The following PRKAR1B variants were observed in gnomAD, a reference collection of about 807,000 sequenced individuals.
The protein encoded by PRKAR1B is protein kinase cAMP-dependent type I regulatory subunit beta.
A neutral mutation model predicts 46.5 loss-of-function variants in PRKAR1B; 22 were observed. The observed-to-expected ratio is 0.47, with a 90% CI of 0.34 to 0.68. PRKAR1B has a LOEUF of 0.68. Among genes scored for constraint, PRKAR1B ranks in the 30% least tolerant of loss-of-function variants. The pLI is 0.01. For synonymous variants in PRKAR1B, 259 were observed against 217.7 expected (o/e 1.19, Z -1.67); for missense variants, 445 against 535.6 (o/e 0.83, Z 1.67).
chr7:651,410 G>A (rs73254251), intron 4 of PRKAR1B, among the ~76,000 whole-genome samples: 1,976 of 152,324 alleles, frequency 0.013, 54 homozygotes, highest in African/African-American at 0.045. Context: ...GCTCTTCCAC[G>A]AGGCTTTAGC....
chr7:635,295 A>G (rs924624057), intron 4 of PRKAR1B, among the ~76,000 whole-genome samples: 2 of 152,206 alleles, frequency 1.3e-5, no homozygotes, highest in Non-Finnish European at 2.9e-5. Flanking sequence ...CAGCTTCCAC[A>G]TCTCAGGACC....
intron 7 of PRKAR1B, among the ~76,000 whole-genome samples, chr7:595,769 TG>T (rs1172931313): frequency 6.6e-6 from 1 of 152,184 alleles, no homozygotes; most frequent in Non-Finnish European, 1.5e-5. Flanking sequence ...AGGAAGCCCG[TG>T]GGTGAGCAGC....
At chr7:576,941 G>A (rs559230254) in intron 9 of PRKAR1B, among the ~76,000 whole-genome samples, 23 of 151,532 alleles carry the variant, frequency 1.5e-4, no homozygotes, top group Non-Finnish European at 2.4e-4. Flanking sequence ...GTGTTCCAGC[G>A]GTGGTGAGCA....
At position 614,466 on chromosome 7, in the gene PRKAR1B, A is replaced by C. The variant is rs146005628; in HGVS notation, c.441-7014T>G. On this transcript the variant is annotated intron_variant, in intron 4 of 10. Transcript: ENST00000537384. Reference sequence around the variant, plus strand: ...GGAAGCTGAGGCTTAGGAAGCTGACATGGGCCAGATGTGGTGGGTGGCTCA... The same window carrying C: ...GGAAGCTGAGGCTTAGGAAGCTGACCTGGGCCAGATGTGGTGGGTGGCTCA... Among the ~76,000 whole-genome samples the C allele has an allele frequency of 1.6e-3, 243 of 152,304 alleles. 2 individuals carry two copies. The highest frequency in any genetic ancestry group is 5.2e-3 in the African/African-American group (216 of 41,574).
intron 3 of PRKAR1B, among the ~76,000 whole-genome samples, chr7:678,521 C>G (rs1317233659): frequency 6.6e-6 from 1 of 152,218 alleles, no homozygotes; most frequent in Non-Finnish European, 1.5e-5. Context: ...TCCCCACTCC[C>G]TCTCTGGATG....
intron 1 of PRKAR1B, among the ~76,000 whole-genome samples, chr7:722,396 C>T (rs555009190): frequency 6.6e-6 from 1 of 151,354 alleles, no homozygotes; most frequent in East Asian, 2.0e-4. Context: ...GCCACTGCAC[C>T]TGGCTAATTT....
chr7:551,693 C>T lies in PRKAR1B; in HGVS notation c.892-223G>A, dbSNP rs575420206. On this transcript the variant is annotated intron_variant, in intron 9 of 10. Transcript: ENST00000537384. ...ACCACCACATCACCACCCAAACCCCCATGTCCTGCCCAGGTCCTTCTCCAG... is the reference window on the plus strand; with the variant it reads ...ACCACCACATCACCACCCAAACCCCTATGTCCTGCCCAGGTCCTTCTCCAG... 8.0e-5 allele frequency among the ~76,000 whole-genome samples: 12 copies of T among 149,536 alleles called. No individual in the cohort carries two copies. In the East Asian group the frequency reaches 2.4e-3, roughly 30 times the overall value.
chr7:700,792 CAG>C (rs1455818576), intron 2 of PRKAR1B, among the ~76,000 whole-genome samples: 2 of 151,992 alleles, frequency 1.3e-5, no homozygotes, highest in Non-Finnish European at 2.9e-5. Flanking sequence ...AATAAAGTAA[CAG>C]AAAATCTTAA....
chr7:697,512 G>A (rs1293623519), intron 2 of PRKAR1B, among the ~76,000 whole-genome samples: 1 of 152,166 alleles, frequency 6.6e-6, no homozygotes, highest in Non-Finnish European at 1.5e-5. Context: ...GGGCAGGCAT[G>A]AGTGGTGTTT....
At chr7:721,832 T>G (rs1781083283) in intron 1 of PRKAR1B, among the ~76,000 whole-genome samples, 2 of 152,204 alleles carry the variant, frequency 1.3e-5, no homozygotes, top group South Asian at 4.1e-4. Flanking sequence ...CCCTTTACAG[T>G]TGAACAATGG....
chr7:641,435 A>G (rs1784382776), intron 4 of PRKAR1B, among the ~76,000 whole-genome samples: 1 of 152,228 alleles, frequency 6.6e-6, no homozygotes, highest in African/African-American at 2.4e-5. Flanking sequence ...ATAGCTCCGA[A>G]CAGCAAACAA....
Position 606,250 on chromosome 7 carries a change from A to G in PRKAR1B, c.503-11T>C, listed in dbSNP as rs776583856. 2.5e-6 allele frequency: 4 copies of G among 1,612,962 alleles called. No individual in the cohort carries two copies. The highest frequency in any genetic ancestry group is 1.7e-5 in the Admixed American group (1 of 59,948). The stretch of plus-strand genomic sequence containing the variant: ...TGTCTCCTTCATTCCCTGTAACAAA[A>G]GAAGAAAGTCAACAGATACAAAGTA... On this transcript the variant is annotated splice_polypyrimidine_tract_variant and intron_variant, in intron 5 of 10. Coordinates refer to ENST00000537384, the MANE Select transcript of PRKAR1B (RefSeq NM_001164760.2).
chr7:642,600 C>G (rs1185129440), intron 4 of PRKAR1B, among the ~76,000 whole-genome samples: 3 of 151,292 alleles, frequency 2.0e-5, no homozygotes, highest in African/African-American at 7.3e-5. Context: ...TGGCGGGCGC[C>G]TGTAGTCCCA....
intron 2 of PRKAR1B, among the ~76,000 whole-genome samples, chr7:705,807 A>G (rs1011044186): frequency 6.6e-6 from 1 of 152,030 alleles, no homozygotes; most frequent in Non-Finnish European, 1.5e-5. Flanking sequence ...CAGGTGGATC[A>G]CCTGAGGTCA....
intron 4 of PRKAR1B, among the ~76,000 whole-genome samples, chr7:641,292 A>C (rs2128485084): frequency 6.6e-6 from 1 of 152,314 alleles, no homozygotes; most frequent in South Asian, 2.1e-4. Context: ...AGACCCAGCA[A>C]TTCCACTCCT....
chr7:706,041 A>G (rs574370647), intron 2 of PRKAR1B, among the ~76,000 whole-genome samples: 1 of 152,126 alleles, frequency 6.6e-6, no homozygotes, highest in Admixed American at 6.5e-5. Context: ...AGAAAAACAG[A>G]TGAGCCGGGC....
chr7:612,302 G>A (rs1382770164), intron 4 of PRKAR1B, among the ~76,000 whole-genome samples: 1 of 151,238 alleles, frequency 6.6e-6, no homozygotes, highest in African/African-American at 2.4e-5. Flanking sequence ...ACGGACAGGT[G>A]GGTGGATGAA....
At chr7:691,417 G>A in intron 2 of PRKAR1B, 4 of 1,098,222 alleles carry the variant, frequency 3.6e-6, no homozygotes, top group Admixed American at 2.3e-5. Context: ...CAGGAGGGGT[G>A]CAGGAGGGTG....
chr7:566,476 GTCA>G (rs1453947854), intron 9 of PRKAR1B, among the ~76,000 whole-genome samples: 24 of 102,188 alleles, frequency 2.3e-4, no homozygotes, highest in Middle Eastern at 5.9e-3. Flanking sequence ...CATGACCATT[GTCA>G]TCATCATCAC....
Sources: allele counts gnomAD v4.1 joint callset (sites outside exome capture counted in the v4.1 genomes callset), GRCh38; gene constraint gnomAD v4.1.1; transcripts MANE v1.5; gene names NCBI Gene and HGNC (gene_info 2026-07-23, HGNC 2026-07-21).